SOS2: variants seen among roughly 807,000 people sequenced by gnomAD.
SOS2 encodes SOS Ras/Rho guanine nucleotide exchange factor 2.
Under a neutral mutation model 148.2 loss-of-function variants are expected in SOS2, and 65 were observed. The observed-to-expected ratio is 0.44, with a 90% CI of 0.36 to 0.54. The LOEUF (loss-of-function observed/expected upper bound fraction) is 0.54. Ranked by LOEUF, SOS2 falls within the 20% of genes least tolerant of loss-of-function variation. The probability of loss-of-function intolerance (pLI) is 0.00; values close to 1 mark genes in which losing one functional copy is unlikely to be tolerated. For missense variants in SOS2, 1,341 were observed against 1,590.2 expected (o/e 0.84, Z 2.67); for synonymous variants, 539 against 537.1 (o/e 1.00, Z -0.05).
chr14:50,134,484 T>C (rs1884008234), intron 18 of SOS2, among the ~76,000 whole-genome samples: 1 of 152,224 alleles, frequency 6.6e-6, no homozygotes, highest in Non-Finnish European at 1.5e-5. Context: ...ATTAAGAATA[T>C]GAGTTTTCAT....
At chr14:50,135,089 A>AAAAAAAGAAAGAAAGAAAGAAAG (rs1555368583) in intron 18 of SOS2, among the ~76,000 whole-genome samples, 1 of 131,536 alleles carries the variant, frequency 7.6e-6, no homozygotes, top group Non-Finnish European at 1.6e-5. Context: ...AAAAAAAAAA[A>AAAAAAAGAAAGAAAGAAAGAAAG]AAAGAAAGAA....
intron 13 of SOS2, 24 bp from the exon 14 acceptor site, chr14:50,150,254 A>T: frequency 6.9e-7 from 1 of 1,447,964 alleles, no homozygotes; most frequent in Admixed American, 1.7e-5. Flanking sequence ...ACATAAAGAA[A>T]AATGTCTTTT....
In SOS2 at chr14:50,159,881, T is replaced by G. The variant is rs1208920983; in HGVS notation, c.1402A>C (p.Ser468Arg). 6.2e-7 allele frequency: 1 copy of G among 1,614,050 alleles called. No homozygotes were observed. The highest frequency in any genetic ancestry group is 2.2e-5 in the East Asian group (1 of 44,892). ...GTCTGGCCATGATTAGGTTTACAAC[T>G]GATCATTAAGCCATCAAACAGAAAA... Reference protein sequence around the residue: ...HIFLFDGLMISCKPNHGQTRL... With the variant: ...HIFLFDGLMIRCKPNHGQTRL... Residue 468 changes from serine (S) to arginine (R), a missense_variant, in exon 10 of 23, where the codon AGT (serine) becomes CGT (arginine). This residue lies in a region of SOS2 where 574 missense variants were observed against 711.1 expected (regional missense o/e 0.81). Transcript: ENST00000216373.
Position 50,204,159 on chromosome 14 carries a change from T to C in SOS2, c.213+125A>G, listed in dbSNP as rs1886591392. ...CTTGACATTTTTGTCAAAAACAAAC[T>C]GACCATATATATCATACATAATTTC... On this transcript the variant is annotated intron_variant, in intron 2 of 22. Coordinates refer to ENST00000216373, the MANE Select transcript of SOS2 (RefSeq NM_006939.4). The C allele has an allele frequency of 5.5e-6, 3 of 549,278 alleles. No individual in the cohort carries two copies. In the Admixed American group the frequency reaches 9.8e-5, roughly 18 times the overall value. The allele number at this position is 549,278 out of a possible 1,614,324, so 34.0% of individuals were successfully genotyped here.
rs767098120 is a variant in SOS2, at chr14:50,174,444, A to G, written c.1068+10T>C. ...GATAAGTACTTTGAGATTCTGTTAT[A>G]AAACCTTACCTTTAGTAACTCAAAG... On this transcript the variant is annotated intron_variant, in intron 8 of 22. Transcript: ENST00000216373. 1 of 1,515,370 alleles carries G rather than the reference A, an allele frequency of 6.6e-7. No homozygotes were observed. The highest frequency in any genetic ancestry group is 1.2e-5 in the South Asian group (1 of 83,424). 93.9% of individuals were successfully genotyped at this position (1,515,370 alleles called of 1,614,324 possible). A position where few individuals can be genotyped will look rare whatever the true frequency, so the allele number is the denominator to read the frequency against.
In SOS2 at chr14:50,197,689, C is replaced by CTTTTTTTTTTTTTTTTTTTTT. The variant is rs35121759; in HGVS notation, c.510+2001_510+2002insAAAAAAAAAAAAAAAAAAAAA. 1.6e-5 allele frequency among the ~76,000 whole-genome samples: 2 copies of CTTTTTTTTTTTTTTTTTTTTT among 125,852 alleles called. 1 individual carries two copies. 82.6% of individuals were successfully genotyped at this position (125,852 alleles called of 152,430 possible). A position where few individuals can be genotyped will look rare whatever the true frequency, so the allele number is the denominator to read the frequency against. Reference sequence around the variant, plus strand: ...TCTTGAATAAAGTCAGCTTTACCACCTTTTTTTTTTTTTTTTTTTGAAACA... The same window carrying CTTTTTTTTTTTTTTTTTTTTT: ...TCTTGAATAAAGTCAGCTTTACCACCTTTTTTTTTTTTTTTTTTTTTTTTTTTTTTTTTTTTTTTTGAAACA... On this transcript the variant is annotated intron_variant, in intron 4 of 22. Transcript: ENST00000216373.
intron 13 of SOS2, among the ~76,000 whole-genome samples, chr14:50,152,484 A>G (rs1393441102): frequency 1.3e-5 from 2 of 152,212 alleles, no homozygotes; most frequent in African/African-American, 4.8e-5. Context: ...CCTTGCAATG[A>G]GATAAAATTA....
At chr14:50,162,707 T>G (rs956304876) in intron 8 of SOS2, among the ~76,000 whole-genome samples, 6 of 152,162 alleles carry the variant, frequency 3.9e-5, no homozygotes, top group Non-Finnish European at 8.8e-5. Context: ...CAATATGAAA[T>G]GTCAAGAAAC....
At chr14:50,187,934 A>C (rs1471500821) in intron 5 of SOS2, among the ~76,000 whole-genome samples, 2 of 152,244 alleles carry the variant, frequency 1.3e-5, no homozygotes, top group East Asian at 3.9e-4. Flanking sequence ...CTCCAAATGA[A>C]TGACTCTAAA....
intron 8 of SOS2, among the ~76,000 whole-genome samples, chr14:50,173,717 G>A (rs532928233): frequency 7.2e-4 from 110 of 152,216 alleles, no homozygotes; most frequent in African/African-American, 1.4e-3. Context: ...CACCGCGCCC[G>A]GCAGTAGTCA....
At chr14:50,190,069 T>C (rs1595008805) in intron 4 of SOS2, among the ~76,000 whole-genome samples, 1 of 151,930 alleles carries the variant, frequency 6.6e-6, no homozygotes, top group Non-Finnish European at 1.5e-5. Flanking sequence ...TTCAGGCTGG[T>C]CTCGAGCTTC....
intron 14 of SOS2, among the ~76,000 whole-genome samples, chr14:50,146,393 C>T (rs1231214929): frequency 6.6e-6 from 1 of 152,138 alleles, no homozygotes; most frequent in Admixed American, 6.5e-5. Context: ...CCTGTAATCC[C>T]AGCACTTTGG....
chr14:50,184,335 T>TCCAC (rs1244003573), intron 5 of SOS2, among the ~76,000 whole-genome samples: 1 of 152,216 alleles, frequency 6.6e-6, no homozygotes, highest in Non-Finnish European at 1.5e-5. Flanking sequence ...GGATCCTGGC[T>TCCAC]CCACCACATG....
At chr14:50,179,358 C>G (rs1390481828) in intron 7 of SOS2, among the ~76,000 whole-genome samples, 1 of 152,052 alleles carries the variant, frequency 6.6e-6, no homozygotes, top group Non-Finnish European at 1.5e-5. Context: ...CATATTCAAA[C>G]GTCAAGGGGT....
chr14:50,132,941 C>T (rs188420186), intron 19 of SOS2, among the ~76,000 whole-genome samples: 1 of 152,174 alleles, frequency 6.6e-6, no homozygotes, highest in Admixed American at 6.5e-5. Flanking sequence ...CATCCACTTA[C>T]AGTCTTGACT....
rs148097756 is a variant in SOS2 at position 50,165,572 on chromosome 14, T to C, written c.1069-3963A>G. ...TTCATTGATCTCATAGTACTACCTC[T>C]ATTAGGCTCTTATAATATTGTAATT... On this transcript the variant is annotated intron_variant, in intron 8 of 22. Transcript: ENST00000216373. Among the ~76,000 whole-genome samples, 72 of 152,354 alleles carry C rather than the reference T, an allele frequency of 4.7e-4. 2 individuals are homozygous for C. The highest frequency in any genetic ancestry group is 1.7e-3 in the African/African-American group (71 of 41,588).
At chr14:50,122,802 A>G (rs987435003) in intron 21 of SOS2, among the ~76,000 whole-genome samples, 13 of 152,188 alleles carry the variant, frequency 8.5e-5, no homozygotes, top group African/African-American at 2.9e-4. Flanking sequence ...TTTATTCCAA[A>G]CTGGTGAATA....
intron 17 of SOS2, among the ~76,000 whole-genome samples, chr14:50,139,551 C>A (rs1368717128): frequency 1.3e-5 from 2 of 152,192 alleles, no homozygotes; most frequent in African/African-American, 2.4e-5. Flanking sequence ...TGATTTAAAT[C>A]ATTCAATTTC....
chr14:50,194,617 A>G (rs948775927), intron 4 of SOS2, among the ~76,000 whole-genome samples: 4 of 150,910 alleles, frequency 2.7e-5, no homozygotes, highest in African/African-American at 9.7e-5. Context: ...CTCCACTAAA[A>G]ATACAAAAAT....
Sources: gnomAD v4.1 joint callset for allele counts (sites outside exome capture counted in the v4.1 genomes callset) on GRCh38, gnomAD v4.1.1 for gene constraint, gnomAD v4.1.1 regional missense constraint, MANE v1.5 for transcripts, NCBI Gene and HGNC (gene_info 2026-07-23, HGNC 2026-07-21) for gene names.